Variants in WDPCP observed in about 807,000 individuals in gnomAD.
The protein encoded by WDPCP is WD repeat-containing and planar cell polarity effector protein fritz homolog.
WDPCP carries 71 observed loss-of-function variants against 93.1 expected under a neutral mutation model. That is an observed-to-expected ratio of 0.76 (90% confidence interval 0.63 to 0.93). The LOEUF is 0.93. Ranked by LOEUF, WDPCP falls within the 40% of genes least tolerant of loss-of-function variation. The pLI is 0.00. For synonymous variants in WDPCP, 315 were observed against 315.0 expected, an observed-to-expected ratio of 1.00 and a Z score of 0.00; for missense variants, 844 against 887.4, an observed-to-expected ratio of 0.95 and a Z score of 0.62.
intron 13 of WDPCP, among the ~76,000 whole-genome samples, chr2:63,283,959 T>C (rs1307757579): frequency 6.6e-6 from 1 of 151,990 alleles, no homozygotes; most frequent in Admixed American, 6.6e-5. Flanking sequence ...TAAAGGCCAG[T>C]GCAACAAAAA....
At chr2:63,669,394 C>T (rs1419506157) in intron 2 of WDPCP, among the ~76,000 whole-genome samples, 1 of 149,922 alleles carries the variant, frequency 6.7e-6, no homozygotes, top group Non-Finnish European at 1.5e-5. Flanking sequence ...AAGTCTCACT[C>T]TATCACCCAG....
intron 2 of WDPCP, among the ~76,000 whole-genome samples, chr2:63,666,560 C>T (rs564961753): frequency 1.3e-5 from 2 of 152,294 alleles, no homozygotes; most frequent in African/African-American, 4.8e-5. Context: ...TCCTGCAGAA[C>T]TGAATTTTGT....
intron 6 of WDPCP, among the ~76,000 whole-genome samples, chr2:63,457,332 T>C (rs944816644): frequency 6.7e-6 from 1 of 148,770 alleles, no homozygotes; most frequent in African/African-American, 2.5e-5. Context: ...GTATAAAAAG[T>C]CTCCCTATAA....
chr2:63,397,712 A>G (rs1330309641), intron 10 of WDPCP, among the ~76,000 whole-genome samples: 4 of 152,176 alleles, frequency 2.6e-5, no homozygotes, highest in East Asian at 1.9e-4. Flanking sequence ...TGTAAGAGAC[A>G]TGTATTTATC....
chr2:63,414,896 A>C (rs1695302889), intron 9 of WDPCP, among the ~76,000 whole-genome samples: 1 of 152,164 alleles, frequency 6.6e-6, no homozygotes, highest in African/African-American at 2.4e-5. Flanking sequence ...AAGAGGAGTA[A>C]GACCATGGAC....
chr2:63,740,597 A>G (rs1410225797), intron 2 of WDPCP, among the ~76,000 whole-genome samples: 2 of 152,166 alleles, frequency 1.3e-5, no homozygotes, highest in African/African-American at 2.4e-5. Context: ...GCCACAAAGT[A>G]TATTATGAAT....
chr2:63,667,739 AG>A (rs142647564), intron 2 of WDPCP, among the ~76,000 whole-genome samples: 5,603 of 142,174 alleles, frequency 0.039, 356 homozygotes, highest in African/African-American at 0.14. Flanking sequence ...ATATCCCAGG[AG>A]GAAGAGCTGC....
upstream of WDPCP, among the ~76,000 whole-genome samples, chr2:63,829,260 T>C (rs1047163201): frequency 5.3e-5 from 8 of 152,168 alleles, no homozygotes; most frequent in Non-Finnish European, 1.0e-4. Flanking sequence ...CAACCTGATA[T>C]TTCTTTTTCC....
chr2:63,736,237 G>A (rs898874227), intron 2 of WDPCP, among the ~76,000 whole-genome samples: 4 of 152,174 alleles, frequency 2.6e-5, no homozygotes, highest in Admixed American at 2.6e-4. Flanking sequence ...TCAAAATAAA[G>A]TGACTCTTTT....
intron 2 of WDPCP, among the ~76,000 whole-genome samples, chr2:63,704,526 A>G (rs972685354): frequency 1.3e-5 from 2 of 152,210 alleles, no homozygotes; most frequent in African/African-American, 4.8e-5. Flanking sequence ...GAATTTTGTC[A>G]GAGGCCTTTT....
chr2:63,462,844 T>C (rs970330576), intron 6 of WDPCP, among the ~76,000 whole-genome samples: 23 of 152,106 alleles, frequency 1.5e-4, no homozygotes, highest in African/African-American at 5.6e-4. Flanking sequence ...TTCCTTGAGA[T>C]TGGGAATGGT....
At chr2:63,228,387 C>CTTTTTTTTTTTTTTTTTTT in intron 14 of WDPCP, 3 of 110,426 alleles carry the variant, frequency 2.7e-5, no homozygotes, top group Admixed American at 9.1e-5. Context: ...TTTTCTTTTT[C>CTTTTTTTTTTTTTTTTTTT]TTTTTTTTTT....
intron 15 of WDPCP, among the ~76,000 whole-genome samples, chr2:63,174,196 G>GT (rs1473418122): frequency 2.0e-5 from 3 of 151,948 alleles, no homozygotes; most frequent in Non-Finnish European, 4.4e-5. Flanking sequence ...ACTTTTGTTT[G>GT]TTTTTTAAAT....
intron 3 of WDPCP, among the ~76,000 whole-genome samples, chr2:63,596,163 ATTAAT>A (rs916476471): frequency 6.6e-6 from 1 of 152,198 alleles, no homozygotes; most frequent in Non-Finnish European, 1.5e-5. Context: ...AATATTCTAA[ATTAAT>A]TTAAATATTT....
At chr2:63,471,556 T>A (rs981438817) in intron 6 of WDPCP, among the ~76,000 whole-genome samples, 6 of 152,252 alleles carry the variant, frequency 3.9e-5, no homozygotes, top group Non-Finnish European at 8.8e-5. Flanking sequence ...AGATGCTGTT[T>A]CTTGATTTAG....
At chr2:63,638,836 G>A (rs1221841017) in intron 3 of WDPCP, among the ~76,000 whole-genome samples, 1 of 150,806 alleles carries the variant, frequency 6.6e-6, no homozygotes, top group Non-Finnish European at 1.5e-5. Context: ...ACAAAGAACT[G>A]TTTCCTTGAA....
intron 14 of WDPCP, among the ~76,000 whole-genome samples, chr2:63,188,562 G>A (rs572238708): frequency 1.3e-5 from 2 of 151,544 alleles, no homozygotes; most frequent in African/African-American, 2.4e-5. Context: ...TTGAACTCCT[G>A]AGCTCAAGCA....
chr2:63,426,232 C>A (rs575953318), intron 9 of WDPCP, among the ~76,000 whole-genome samples: 3 of 152,076 alleles, frequency 2.0e-5, no homozygotes, highest in Non-Finnish European at 4.4e-5. Flanking sequence ...CCCAGCTACT[C>A]AGGAGTCTGA....
chr2:63,573,438 T>C (rs560501585), intron 1 of WDPCP, among the ~76,000 whole-genome samples: 1 of 152,356 alleles, frequency 6.6e-6, no homozygotes, highest in South Asian at 2.1e-4. Context: ...CTTATGCCTG[T>C]CTTTACTGCA....
Sources: allele counts gnomAD v4.1 joint callset (sites outside exome capture counted in the v4.1 genomes callset), GRCh38; gene constraint gnomAD v4.1.1; transcripts MANE v1.5; gene names NCBI Gene and HGNC (gene_info 2026-07-23, HGNC 2026-07-21).